The following PELI2 variants were observed in gnomAD, a reference collection of about 807,000 sequenced individuals.
PELI2 encodes E3 ubiquitin-protein ligase pellino homolog 2.
In PELI2, 23 loss-of-function variants were observed where a neutral mutation model predicts 42.3. The observed-to-expected ratio is 0.54, with a 90% confidence interval of 0.39 to 0.77. The LOEUF is 0.77. Ranked by LOEUF, PELI2 falls within the 30% of genes least tolerant of loss-of-function variation. The pLI is 0.00. For missense variants in PELI2, 463 were observed against 553.2 expected (o/e 0.84, Z 1.64); for synonymous variants, 245 against 212.2 (o/e 1.15, Z -1.34).
chr14:56,271,765 G>A (rs539693348), intron 2 of PELI2, among the ~76,000 whole-genome samples: 1 of 152,190 alleles, frequency 6.6e-6, no homozygotes, highest in African/African-American at 2.4e-5. Context: ...AGAGCGTTCA[G>A]GACGTTTCCT....
intron 2 of PELI2, among the ~76,000 whole-genome samples, chr14:56,231,845 A>C (rs962233236): frequency 6.6e-6 from 1 of 152,156 alleles, no homozygotes; most frequent in Non-Finnish European, 1.5e-5. Context: ...AGATCAACAA[A>C]ATTGATAGAC....
intron 3 of PELI2, among the ~76,000 whole-genome samples, chr14:56,280,686 A>G (rs1761013241): frequency 6.6e-6 from 1 of 152,150 alleles, no homozygotes; most frequent in Non-Finnish European, 1.5e-5. Flanking sequence ...GTTCTAGAAA[A>G]AAACTTAGGA....
At chr14:56,130,091 G>A (rs552565022) in intron 1 of PELI2, among the ~76,000 whole-genome samples, 1 of 152,126 alleles carries the variant, frequency 6.6e-6, no homozygotes, top group African/African-American at 2.4e-5. Context: ...AGGAGATGAG[G>A]AAATTCTGGC....
At chr14:56,200,968 A>G (rs1173293830) in intron 2 of PELI2, among the ~76,000 whole-genome samples, 1 of 152,218 alleles carries the variant, frequency 6.6e-6, no homozygotes, top group African/African-American at 2.4e-5. Context: ...TAAATAAGAA[A>G]GTCACACAGT....
At chr14:56,165,785 C>T (rs973042010) in intron 1 of PELI2, among the ~76,000 whole-genome samples, 21 of 152,098 alleles carry the variant, frequency 1.4e-4, no homozygotes, top group Non-Finnish European at 2.4e-4. Context: ...TCTTTTCTTA[C>T]AGTTTTTTTC....
intron 2 of PELI2, among the ~76,000 whole-genome samples, chr14:56,236,482 T>C (rs1282444603): frequency 1.3e-5 from 2 of 152,268 alleles, no homozygotes; most frequent in African/African-American, 2.4e-5. Context: ...TGCATATGCA[T>C]GCCTTTAGTC....
chr14:56,159,379 C>G (rs182778132), intron 1 of PELI2, among the ~76,000 whole-genome samples: 1 of 152,182 alleles, frequency 6.6e-6, no homozygotes, highest in Non-Finnish European at 1.5e-5. Flanking sequence ...GAGTATAATA[C>G]CAACTGCCAG....
At position 56,194,935 on chromosome 14, in the gene PELI2, G is replaced by T. The variant is rs564759110; in HGVS notation, c.207+16471G>T. On this transcript the variant is annotated intron_variant, in intron 2 of 5. Transcript: ENST00000267460. ...GAGTGTTGATGCTTTGGATTCAAGAGCCAGCTGTGCAAAATTAAAGTATCC... is the reference window on the plus strand; with the variant it reads ...GAGTGTTGATGCTTTGGATTCAAGATCCAGCTGTGCAAAATTAAAGTATCC... Among the ~76,000 whole-genome samples the T allele has an allele frequency of 7.2e-5, 11 of 152,328 alleles. No individual in the cohort carries two copies. In the East Asian group the frequency reaches 2.1e-3, roughly 29 times the overall value.
chr14:56,148,005 A>G (rs898537283), intron 1 of PELI2, among the ~76,000 whole-genome samples: 2 of 152,160 alleles, frequency 1.3e-5, no homozygotes, highest in East Asian at 3.9e-4. Flanking sequence ...AGATTACTGA[A>G]TACTTTTGGG....
In PELI2 at chr14:56,229,259, G is replaced by A. The variant is rs113873126; in HGVS notation, c.208-50417G>A. ...AAGAGAGTAGTGGTTCTCCCAGCAC[G>A]GAGTTTGAGATCTGAGAACGGACAG... is the stretch of plus-strand genomic sequence containing the variant. On this transcript the variant is annotated intron_variant, in intron 2 of 5. Transcript: ENST00000267460. Among the ~76,000 whole-genome samples the A allele has an allele frequency of 5.0e-4, 76 of 152,308 alleles. 1 individual carries two copies. Among genetic ancestry groups the A allele is most frequent in the African/African-American group, 1.8e-3 (73 of 41,576 alleles).
chr14:56,201,693 G>A (rs1317186094), intron 2 of PELI2, among the ~76,000 whole-genome samples: 1 of 152,130 alleles, frequency 6.6e-6, no homozygotes, highest in Non-Finnish European at 1.5e-5. Context: ...CTTTTAGGGG[G>A]TGGCTCAGTT....
chr14:56,233,880 A>C (rs1315285298), intron 2 of PELI2, among the ~76,000 whole-genome samples: 3 of 152,240 alleles, frequency 2.0e-5, no homozygotes, highest in Non-Finnish European at 2.9e-5. Context: ...AATATCCAGA[A>C]TCTACAAAGA....
At position 56,234,364 on chromosome 14, in the gene PELI2, A is replaced by G. The variant is rs568598580; in HGVS notation, c.208-45312A>G. Among the ~76,000 whole-genome samples, 26 of 152,344 alleles carry G rather than the reference A, an allele frequency of 1.7e-4. No homozygotes were observed. The South Asian group carries it at 2.5e-3, about 15-fold the overall frequency. On this transcript the variant is annotated intron_variant, in intron 2 of 5. Transcript: ENST00000267460. ...CTGGAACCAGCCCAAATGTCCATCA[A>G]TGATAGACTGGGTTAAGAAAATGTG...
At chr14:56,173,190 C>G (rs1885243998) in intron 1 of PELI2, among the ~76,000 whole-genome samples, 1 of 152,170 alleles carries the variant, frequency 6.6e-6, no homozygotes. Context: ...TCTGGCCAGG[C>G]CAGAAGGCTG....
At chr14:56,240,283 C>T (rs566126822) in intron 2 of PELI2, among the ~76,000 whole-genome samples, 86 of 151,934 alleles carry the variant, frequency 5.7e-4, no homozygotes, top group Non-Finnish European at 9.6e-4. Context: ...TGGGGCGAGA[C>T]GATTGGGGGC....
chr14:56,157,660 G>A (rs1019966837), intron 1 of PELI2, among the ~76,000 whole-genome samples: 2 of 152,182 alleles, frequency 1.3e-5, no homozygotes, highest in African/African-American at 4.8e-5. Flanking sequence ...TTGTTTGGCT[G>A]TTGTCCATTA....
Position 56,288,397 on chromosome 14 carries a change from T to A in PELI2, c.310-40T>A. ...TTGTGAATAAAATACGGCACCCTGC[T>A]ATTTTCCAAGTGAATCACGAGTACA... On this transcript the variant is annotated intron_variant, in intron 3 of 5. Coordinates refer to ENST00000267460, the MANE Select transcript of PELI2 (RefSeq NM_021255.3). This position sits in a 1 kb window ranked among gnomAD's most constrained non-coding sequence, Gnocchi z 4.6. 1 of 1,500,114 alleles carries A rather than the reference T, an allele frequency of 6.7e-7. No homozygotes were observed. Among genetic ancestry groups the A allele is most frequent in the South Asian group, 1.2e-5 (1 of 86,918 alleles). The allele number at this position is 1,500,114 out of a possible 1,614,324, so 92.9% of individuals were successfully genotyped here. A position where few individuals can be genotyped will look rare whatever the true frequency, so the allele number is the denominator to read the frequency against.
chr14:56,201,209 A>G lies in PELI2; in HGVS notation c.207+22745A>G, dbSNP rs563969346. ...GTACCGTTTCCATGCAGTTCTTCAAATTCAGTATTCTGTCGAAAGGATGAT... is the reference window on the plus strand; with the variant it reads ...GTACCGTTTCCATGCAGTTCTTCAAGTTCAGTATTCTGTCGAAAGGATGAT... On this transcript the variant is annotated intron_variant, in intron 2 of 5. Coordinates refer to ENST00000267460, the MANE Select transcript of PELI2 (RefSeq NM_021255.3). Among the ~76,000 whole-genome samples, 3 of 152,324 alleles carry G rather than the reference A, an allele frequency of 2.0e-5. No homozygotes were observed. The South Asian group carries it at 6.2e-4, about 32-fold the overall frequency.
intron 1 of PELI2, chr14:56,119,244 G>A (rs117281255): frequency 0.02 from 3,115 of 152,186 alleles, 65 homozygotes; most frequent in East Asian, 0.12. Flanking sequence ...GCGCGGCGCC[G>A]TGAGCTTGGG....
Sources: allele counts gnomAD v4.1 joint callset (sites outside exome capture counted in the v4.1 genomes callset), GRCh38; gene constraint gnomAD v4.1.1; non-coding constraint Gnocchi (gnomAD v3.1); transcripts MANE v1.5; gene names NCBI Gene and HGNC (gene_info 2026-07-23, HGNC 2026-07-21).